GORASP2: variants seen among roughly 807,000 people sequenced by gnomAD.
The protein encoded by GORASP2 is golgi reassembly stacking protein 2, also known as Golgi reassembly-stacking protein 2.
Under a neutral mutation model 45.7 loss-of-function variants are expected in GORASP2, and 22 were observed. The observed-to-expected ratio is 0.48, with a 90% CI of 0.34 to 0.69. The LOEUF is 0.69. GORASP2 is among the 30% of genes least tolerant of loss of function. The pLI, the probability that GORASP2 is intolerant of heterozygous loss-of-function variation, is 0.01. For missense variants in GORASP2, 491 were observed against 562.7 expected, an observed-to-expected ratio of 0.87 and a Z score of 1.29; for synonymous variants, 221 against 215.6, an observed-to-expected ratio of 1.02 and a Z score of -0.22.
At chr2:170,934,518 C>T (rs1002940482) in intron 1 of GORASP2, among the ~76,000 whole-genome samples, 4 of 152,086 alleles carry the variant, frequency 2.6e-5, no homozygotes, top group African/African-American at 4.8e-5. Context: ...CCTCCACCTC[C>T]GACAAGTGCT....
chr2:170,953,181 C>T (rs976135740), intron 5 of GORASP2, among the ~76,000 whole-genome samples: 1 of 151,880 alleles, frequency 6.6e-6, no homozygotes, highest in South Asian at 2.1e-4. Context: ...CCTGAAGAAC[C>T]GTTGTCTCTA....
At chr2:170,952,385 C>T (rs991310557) in intron 5 of GORASP2, among the ~76,000 whole-genome samples, 3 of 152,198 alleles carry the variant, frequency 2.0e-5, no homozygotes, top group Admixed American at 6.5e-5. Context: ...CCATACAGAA[C>T]ATTTTCGTCA....
chr2:170,936,765 C>T (rs529557618), intron 1 of GORASP2: 66 of 568,300 alleles, frequency 1.2e-4, no homozygotes, highest in Non-Finnish European at 1.7e-4. Context: ...CCACGCTGGG[C>T]AACATAATGA....
In GORASP2 at chr2:170,929,265, G is replaced by C. The variant is rs1042393583; in HGVS notation, c.-76G>C. 66 of 1,164,718 alleles carry C rather than the reference G, an allele frequency of 5.7e-5. 1 individual carries two copies. In the East Asian group the frequency reaches 1.9e-3, roughly 34 times the overall value. The allele number at this position is 1,164,718 out of a possible 1,614,324, so 72.1% of individuals were successfully genotyped here. A position where few individuals can be genotyped will look rare whatever the true frequency, so the allele number is the denominator to read the frequency against. Reference sequence around the variant, plus strand: ...AGTGCCACGTCCCAAGTGCTACGCGGAGGATTAGAGCAGGCGGTGCGCTGG... The same window carrying C: ...AGTGCCACGTCCCAAGTGCTACGCGCAGGATTAGAGCAGGCGGTGCGCTGG... On this transcript the variant is annotated 5_prime_UTR_variant, in exon 1 of 10. Coordinates refer to ENST00000234160, the MANE Select transcript of GORASP2 (RefSeq NM_015530.5).
chr2:170,966,119 G>A lies in GORASP2; in HGVS notation c.1348G>A (p.Glu450Lys). ...VSAAVDANAS[E>K]SP is the part of the protein sequence containing the mutation. ...TGCGGCTGTGGATGCCAATGCTTCT[G>A]AGTCACCTTAACTTTGAACCATTCT... The change falls in exon 10 of 10, where the codon GAG becomes AAG. Residue 450 changes from glutamate (E) to lysine (K), a missense_variant. Transcript: ENST00000234160. 6.2e-7 allele frequency: 1 copy of A among 1,612,210 alleles called. No homozygotes were observed. Among genetic ancestry groups the A allele is most frequent in the Non-Finnish European group, 8.5e-7 (1 of 1,178,288 alleles).
chr2:170,951,169 A>G (rs1704291226), intron 4 of GORASP2, among the ~76,000 whole-genome samples, 159 bp from the exon 5 acceptor site: 1 of 152,190 alleles, frequency 6.6e-6, no homozygotes, highest in Admixed American at 6.6e-5. Context: ...TTGAATTAAT[A>G]TATTGAATTA....
intron 1 of GORASP2, among the ~76,000 whole-genome samples, chr2:170,932,714 C>G (rs560837168): frequency 6.6e-6 from 1 of 152,222 alleles, no homozygotes; most frequent in Non-Finnish European, 1.5e-5. Flanking sequence ...AAGGCAAATA[C>G]TGTTGAAGTA....
intron 4 of GORASP2, among the ~76,000 whole-genome samples, 171 bp downstream of exon 4, chr2:170,950,461 T>G (rs749358554): frequency 3.7e-4 from 56 of 152,214 alleles, no homozygotes; most frequent in Non-Finnish European, 1.2e-4. Context: ...GGTGTCTTAT[T>G]AGGTATAGCT....
At chr2:170,935,245 G>T (rs934600700) in intron 1 of GORASP2, among the ~76,000 whole-genome samples, 1 of 151,898 alleles carries the variant, frequency 6.6e-6, no homozygotes, top group Admixed American at 6.6e-5. Context: ...GTAGTTTCAT[G>T]TTGATTATAT....
rs757913250 is a variant in GORASP2 at position 170,929,320 on chromosome 2, C to T, written c.-21C>T. 3 of 1,355,892 alleles carry T rather than the reference C, an allele frequency of 2.2e-6. No homozygotes were observed. Among genetic ancestry groups the T allele is most frequent in the African/African-American group, 1.5e-5 (1 of 65,444 alleles). 84.0% of individuals were successfully genotyped at this position (1,355,892 alleles called of 1,614,324 possible). On this transcript the variant is annotated 5_prime_UTR_variant, in exon 1 of 10. Coordinates refer to ENST00000234160, the MANE Select transcript of GORASP2 (RefSeq NM_015530.5). ...GGGAGCAGCGCGGAGCCCGGCTCGG[C>T]CACACCGATCGCCCGCCGCCATGGG...
intron 4 of GORASP2, among the ~76,000 whole-genome samples, 161 bp downstream of exon 4, chr2:170,950,451 G>T (rs1704274371): frequency 6.6e-6 from 1 of 152,164 alleles, no homozygotes; most frequent in African/African-American, 2.4e-5. Context: ...ACATCTGGTA[G>T]GTGTCTTATT....
Position 170,956,541 on chromosome 2 carries a change from A to T in GORASP2, c.805A>T (p.Ser269Cys). ...LSISSTPPAV[S>C]SVLSTGVPTV... Reference sequence around the variant, plus strand: ...TATTAGCTCAACTCCACCAGCTGTCAGTAGTGTTCTCAGTACAGGTGTGCA... The same window carrying T: ...TATTAGCTCAACTCCACCAGCTGTCTGTAGTGTTCTCAGTACAGGTGTGCA... The change falls in exon 7 of 10, where the codon AGT becomes TGT. Residue 269 changes from serine (S) to cysteine (C), a missense_variant. This residue lies in a region of GORASP2 where 297 missense variants were observed against 292.3 expected (regional missense o/e 1.02). Transcript: ENST00000234160. 1 of 1,612,868 alleles carries T rather than the reference A, an allele frequency of 6.2e-7. No individual in the cohort carries two copies. Among genetic ancestry groups the T allele is most frequent in the Non-Finnish European group, 8.5e-7 (1 of 1,179,208 alleles).
intron 1 of GORASP2, among the ~76,000 whole-genome samples, chr2:170,944,935 AC>A (rs1234408218): frequency 6.6e-6 from 1 of 152,032 alleles, no homozygotes; most frequent in African/African-American, 2.4e-5. Context: ...TCCCTTTCAC[AC>A]CTGAGGCCTT....
intron 7 of GORASP2, among the ~76,000 whole-genome samples, 183 bp downstream of exon 7, chr2:170,956,742 TAA>T (rs35604404): frequency 8.0e-5 from 12 of 149,328 alleles, no homozygotes; most frequent in East Asian, 3.9e-4. Flanking sequence ...ACCACGTCTC[TAA>T]AAAAAAAAAA....
chr2:170,941,800 A>G (rs774116760), intron 1 of GORASP2, among the ~76,000 whole-genome samples: 6 of 152,146 alleles, frequency 3.9e-5, no homozygotes, highest in Admixed American at 6.5e-5. Context: ...GGCTTTTATA[A>G]ATAGTGCTAC....
At chr2:170,931,176 C>G (rs1703813877) in intron 1 of GORASP2, among the ~76,000 whole-genome samples, 1 of 152,104 alleles carries the variant, frequency 6.6e-6, no homozygotes, top group Non-Finnish European at 1.5e-5. Flanking sequence ...CTAGGGACAA[C>G]CTTAGTTACC....
Position 170,949,558 on chromosome 2 carries a change from T to G in GORASP2, c.164T>G (p.Leu55Arg). 1 of 1,613,580 alleles carries G rather than the reference T, an allele frequency of 6.2e-7. No homozygotes were observed. Among genetic ancestry groups the G allele is most frequent in the Non-Finnish European group, 8.5e-7 (1 of 1,179,476 alleles). ...GSRLNKDNDTLKDLLKANVEK... is the reference protein window; with the variant it reads ...GSRLNKDNDTRKDLLKANVEK... ...TCACAGAATAAAGACAATGACACTCTTAAGGATCTGCTGAAAGCAAACGTT... is the reference window on the plus strand; with the variant it reads ...TCACAGAATAAAGACAATGACACTCGTAAGGATCTGCTGAAAGCAAACGTT... The change falls in exon 3 of 10, where the codon CTT becomes CGT. Residue 55 changes from leucine to arginine, a missense_variant. By Grantham distance (102) the Leu-to-Arg change is moderately radical. Around this residue, in one of 2 missense-constraint regions of GORASP2, gnomAD observed 194 missense variants for 270.4 expected, o/e 0.72. Transcript: ENST00000234160.
intron 3 of GORASP2, chr2:170,949,999 A>C (rs982083028): frequency 8.5e-5 from 44 of 518,166 alleles, no homozygotes; most frequent in Non-Finnish European, 1.4e-4. Context: ...TAGCTACAAA[A>C]ATATTTTAAA....
chr2:170,932,949 C>CTG (rs1473573102), intron 1 of GORASP2, among the ~76,000 whole-genome samples: 2 of 152,132 alleles, frequency 1.3e-5, no homozygotes, highest in Non-Finnish European at 2.9e-5. Flanking sequence ...TTCAGACACC[C>CTG]TGTGTGTGTG....
Sources: allele counts gnomAD v4.1 joint callset (sites outside exome capture counted in the v4.1 genomes callset), GRCh38; gene constraint gnomAD v4.1.1; regional missense constraint gnomAD v4.1.1; transcripts MANE v1.5; gene names NCBI Gene and HGNC (gene_info 2026-07-23, HGNC 2026-07-21).